ZNF107: variants seen among roughly 807,000 people sequenced by gnomAD.
ZNF107 encodes zinc finger protein 107.
In ZNF107, 19 loss-of-function variants were observed where a neutral mutation model predicts 12.3. That is an observed-to-expected ratio of 1.55 (90% confidence interval 1.08 to 2.27). ZNF107 has a LOEUF of 2.27. ZNF107 is among the 30% of genes most tolerant of loss of function. ZNF107 has a pLI of 0.00. For synonymous variants in ZNF107, 317 were observed against 330.5 expected, an observed-to-expected ratio of 0.96 and a Z score of 0.44; for missense variants, 958 against 979.9, an observed-to-expected ratio of 0.98 and a Z score of 0.30.
intron 1 of ZNF107, among the ~76,000 whole-genome samples, chr7:64,676,351 A>C (rs1032951680): frequency 6.6e-6 from 1 of 152,122 alleles, no homozygotes; most frequent in African/African-American, 2.4e-5. Context: ...TATATTATGT[A>C]GTTTGTAGAT....
In ZNF107 at chr7:64,710,327, G is replaced by A. The variant is rs1790844058; in HGVS notation, c.*1671G>A. On this transcript the variant is annotated 3_prime_UTR_variant, in exon 4 of 4. Coordinates refer to ENST00000620827, the MANE Select transcript of ZNF107 (RefSeq NM_001282359.2). ...AAAGCACTGTAAATGTAATGCATTTGTGAAAACATTTTTTAAAAAACTACA... is the reference window on the plus strand; with the variant it reads ...AAAGCACTGTAAATGTAATGCATTTATGAAAACATTTTTTAAAAAACTACA... The A allele has an allele frequency of 1.3e-5, 2 of 152,148 alleles. No homozygotes were observed. Among genetic ancestry groups the A allele is most frequent in the Admixed American group, 6.6e-5 (1 of 15,264 alleles). The allele number at this position is 152,148 out of a possible 1,614,324, so 9.4% of individuals were successfully genotyped here.
intron 3 of ZNF107, among the ~76,000 whole-genome samples, chr7:64,696,999 G>C (rs1790312377): frequency 6.6e-6 from 1 of 150,902 alleles, no homozygotes; most frequent in Non-Finnish European, 1.5e-5. Flanking sequence ...CCCGGTGTGT[G>C]ATGTTCCCCT....
At chr7:64,691,208 A>G (rs1790106488) in intron 1 of ZNF107, 40 bp from the exon 2 acceptor site, 1 of 1,404,804 alleles carries the variant, frequency 7.1e-7, no homozygotes, top group South Asian at 1.6e-5. Flanking sequence ...ATGACAGCTT[A>G]TGGCTGCTTG....
At chr7:64,667,892 T>C (rs1165277584) in intron 1 of ZNF107, among the ~76,000 whole-genome samples, 1 of 146,832 alleles carries the variant, frequency 6.8e-6, no homozygotes, top group African/African-American at 2.5e-5. Context: ...AACTCAGAAA[T>C]AATTTCTGCC....
At chr7:64,695,167 TA>T (rs1263383700) in intron 3 of ZNF107, among the ~76,000 whole-genome samples, 1 of 152,102 alleles carries the variant, frequency 6.6e-6, no homozygotes, top group Non-Finnish European at 1.5e-5. Flanking sequence ...TCTTTGCTTC[TA>T]AAGTAAGGTT....
rs1788992802 is a variant in ZNF107, at chr7:64,666,188, C to T, written c.-95C>T. The T allele has an allele frequency of 2.0e-6, 3 of 1,523,260 alleles. No individual in the cohort carries two copies. The highest frequency in any genetic ancestry group is 1.1e-5 in the South Asian group (1 of 89,596). 94.4% of individuals were successfully genotyped at this position (1,523,260 alleles called of 1,614,324 possible). A position where few individuals can be genotyped will look rare whatever the true frequency, so the allele number is the denominator to read the frequency against. On this transcript the variant is annotated 5_prime_UTR_variant, in exon 1 of 4. Coordinates refer to ENST00000620827, the MANE Select transcript of ZNF107 (RefSeq NM_001282359.2). The stretch of plus-strand genomic sequence containing the variant: ...TGCTCTCCTCCTCACTGCTCAGTGT[C>T]CTCTGCTCCTAGAGGCCCAGCCTCT...
At chr7:64,703,718 C>T (rs1244908987) in intron 3 of ZNF107, among the ~76,000 whole-genome samples, 1 of 152,002 alleles carries the variant, frequency 6.6e-6, no homozygotes, top group Non-Finnish European at 1.5e-5. Flanking sequence ...TCTGAGCCAC[C>T]GTGCCTGGCC....
In ZNF107 at chr7:64,709,921, C is replaced by CT. The variant is rs1307400819; in HGVS notation, c.*1266dup. ...GGGTGGATCACCTGAGGGCAGGAGT[C>CT]TGAGACCAGCCTGGCCAACATAGCA... On this transcript the variant is annotated 3_prime_UTR_variant, in exon 4 of 4. Transcript: ENST00000620827. 3.2e-6 allele frequency: 1 copy of CT among 314,614 alleles called. No individual in the cohort carries two copies. The highest frequency in any genetic ancestry group is 2.3e-5 in the African/African-American group (1 of 43,424). 19.5% of individuals were successfully genotyped at this position (314,614 alleles called of 1,614,324 possible). A position where few individuals can be genotyped will look rare whatever the true frequency, so the allele number is the denominator to read the frequency against.
At position 64,699,419 on chromosome 7, in the gene ZNF107, TTTG is replaced by T. The variant is rs368155814; in HGVS notation, c.227-6897_227-6895del. Reference sequence around the variant, plus strand: ...TATGATTTTGGTCTTCTTAAATTTATTTGTTGTTGTCATTGTTTTGAGACAGGA... The same window carrying T: ...TATGATTTTGGTCTTCTTAAATTTATTTGTTGTCATTGTTTTGAGACAGGA... On this transcript the variant is annotated intron_variant, in intron 3 of 3. Coordinates refer to ENST00000620827, the MANE Select transcript of ZNF107 (RefSeq NM_001282359.2). Among the ~76,000 whole-genome samples the T allele has an allele frequency of 2.0e-3, 306 of 152,248 alleles. 3 individuals carry two copies. The highest frequency in any genetic ancestry group is 6.5e-3 in the African/African-American group (270 of 41,544).
At chr7:64,683,390 C>G (rs920371385) in intron 1 of ZNF107, among the ~76,000 whole-genome samples, 1 of 152,200 alleles carries the variant, frequency 6.6e-6, no homozygotes. Flanking sequence ...AGGAAATGCC[C>G]ATGCCAGTAA....
chr7:64,708,359 T>C lies in ZNF107; in HGVS notation c.2262T>C (p.Ile754=), dbSNP rs1425700327. The stretch of plus-strand genomic sequence containing the variant: ...CAACCCTTACTGCACATAAGAAAAT[T>C]CATACTGGAGAGAAACCCTATAAAT... ...LSSTLTAHKK[I]HTGEKPYKCE... Residue 754 remains isoleucine, a synonymous_variant, in exon 4 of 4, where the codon ATT becomes ATC. Coordinates refer to ENST00000620827, the MANE Select transcript of ZNF107 (RefSeq NM_001282359.2). The C allele has an allele frequency of 1.2e-5, 19 of 1,613,356 alleles. No individual in the cohort carries two copies. Among genetic ancestry groups the C allele is most frequent in the Non-Finnish European group, 1.6e-5 (19 of 1,179,846 alleles).
intron 2 of ZNF107, 59 bp from the exon 3 acceptor site, chr7:64,691,806 A>T: frequency 1.0e-6 from 1 of 983,186 alleles, no homozygotes; most frequent in East Asian, 3.9e-5. Context: ...ACCTTACTGG[A>T]TTAGTAATTG....
rs184819092 is a variant in ZNF107 at position 64,668,073 on chromosome 7, A to C, written c.3+1788A>C. On this transcript the variant is annotated intron_variant, in intron 1 of 3. Transcript: ENST00000620827. ...TCTACAGAGAGGGTGGTCATTGGGC[A>C]CTTAAATGAGCAGGATGGGGTAGGA... is the stretch of plus-strand genomic sequence containing the variant. Among the ~76,000 whole-genome samples, 19 of 152,162 alleles carry C rather than the reference A, an allele frequency of 1.2e-4. No homozygotes were observed. The East Asian group carries it at 3.5e-3, about 28-fold the overall frequency.
intron 1 of ZNF107, chr7:64,687,689 T>C: frequency 2.1e-6 from 1 of 468,556 alleles, no homozygotes. Context: ...GAACTATGTA[T>C]GACATGTGCT....
intron 3 of ZNF107, among the ~76,000 whole-genome samples, chr7:64,694,013 C>T (rs531299159): frequency 6.6e-6 from 1 of 152,278 alleles, no homozygotes; most frequent in South Asian, 2.1e-4. Context: ...GTCTCGAACT[C>T]CTGACCTTAG....
chr7:64,692,029 G>A, intron 3 of ZNF107, 69 bp downstream of exon 3: 1 of 1,079,054 alleles, frequency 9.3e-7, no homozygotes, highest in Non-Finnish European at 1.2e-6. Flanking sequence ...GAAAAAGCCA[G>A]TCCTTAAAAT....
At position 64,691,400 on chromosome 7, in the gene ZNF107, C is replaced by T. The variant is rs552146901; in HGVS notation, c.130+26C>T. 15 of 1,399,994 alleles carry T rather than the reference C, an allele frequency of 1.1e-5. No homozygotes were observed. In the South Asian group the frequency reaches 2.3e-4, roughly 22 times the overall value. 86.7% of individuals were successfully genotyped at this position (1,399,994 alleles called of 1,614,324 possible). ...GTGAGGATAACTTCAATACACAATT[C>T]CCAAAATACCCTTAAAGTTTTATTT... On this transcript the variant is annotated intron_variant, in intron 2 of 3. Transcript: ENST00000620827.
intron 3 of ZNF107, among the ~76,000 whole-genome samples, chr7:64,702,315 T>G (rs952687193): frequency 6.6e-6 from 1 of 151,498 alleles, no homozygotes; most frequent in Non-Finnish European, 1.5e-5. Flanking sequence ...TTTTGTACTT[T>G]TAGTAGAGAC....
In ZNF107 at chr7:64,706,224, A is replaced by G. The variant is rs1036440398; in HGVS notation, c.227-100A>G. On this transcript the variant is annotated intron_variant, in intron 3 of 3. Transcript: ENST00000620827. ...AGAGCCTGTGGTATTTTGCTATGCA[A>G]TCTGGCTTATGTAGTTTGTATAATT... 23 of 1,152,862 alleles carry G rather than the reference A, an allele frequency of 2.0e-5. No homozygotes were observed. In the African/African-American group the frequency reaches 3.5e-4, roughly 18 times the overall value. 71.4% of individuals were successfully genotyped at this position (1,152,862 alleles called of 1,614,324 possible).
Sources: gnomAD v4.1 joint callset for allele counts (sites outside exome capture counted in the v4.1 genomes callset) on GRCh38, gnomAD v4.1.1 for gene constraint, MANE v1.5 for transcripts, NCBI Gene and HGNC (gene_info 2026-07-23, HGNC 2026-07-21) for gene names.